NRXN3: variants seen among roughly 807,000 people sequenced by gnomAD.
NRXN3 encodes neurexin III.
A neutral mutation model predicts 137.6 loss-of-function variants in NRXN3; 32 were observed. The observed-to-expected ratio is 0.23, with a 90% CI of 0.18 to 0.31. NRXN3 has a LOEUF of 0.31. NRXN3 is among the 10% of genes least tolerant of loss of function. The pLI is 1.00. For missense variants in NRXN3, 1,574 were observed against 2,062.5 expected (o/e 0.76, Z 4.59); for synonymous variants, 798 against 784.5 (o/e 1.02, Z -0.29).
intron 16 of NRXN3, among the ~76,000 whole-genome samples, chr14:79,565,215 ATATG>A (rs1269356204): frequency 2.0e-5 from 3 of 148,406 alleles, no homozygotes; most frequent in Non-Finnish European, 3.0e-5. Flanking sequence ...TTGTGTATAT[ATATG>A]TGTGTGTATA....
chr14:79,654,978 C>T (rs1265175789), intron 16 of NRXN3, among the ~76,000 whole-genome samples: 1 of 152,144 alleles, frequency 6.6e-6, no homozygotes, highest in Non-Finnish European at 1.5e-5. Flanking sequence ...GGGTTACTCA[C>T]GCTTTGCTGA....
intron 17 of NRXN3, among the ~76,000 whole-genome samples, chr14:79,667,450 C>T (rs562383636): frequency 6.6e-6 from 1 of 152,034 alleles, no homozygotes; most frequent in East Asian, 1.9e-4. Flanking sequence ...AATGGGTCAT[C>T]TCCACAGTCT....
At chr14:78,649,313 G>A (rs1489484002) in intron 5 of NRXN3, 1 of 1,335,010 alleles carries the variant, frequency 7.5e-7, no homozygotes, top group Non-Finnish European at 9.9e-7. Context: ...ACATTGTCTG[G>A]TAGATATCAT....
chr14:78,319,822 A>G (rs1453465348), intron 4 of NRXN3, among the ~76,000 whole-genome samples: 2 of 152,208 alleles, frequency 1.3e-5, no homozygotes, highest in Admixed American at 6.5e-5. Flanking sequence ...ACCCATCTGT[A>G]TAATCCCCTG....
intron 4 of NRXN3, among the ~76,000 whole-genome samples, chr14:78,478,206 T>A (rs578182554): frequency 1.3e-5 from 2 of 152,162 alleles, no homozygotes; most frequent in South Asian, 2.1e-4. Flanking sequence ...TACTAGTGAT[T>A]TGGGGGGAAA....
At chr14:78,926,764 A>T (rs1597461110) in intron 10 of NRXN3, among the ~76,000 whole-genome samples, 1 of 46,356 alleles carries the variant, frequency 2.2e-5, no homozygotes, top group African/African-American at 1.3e-4. Context: ...TATATATATT[A>T]TATATATTAT....
chr14:78,615,333 G>C (rs2097337068), intron 4 of NRXN3, among the ~76,000 whole-genome samples: 1 of 151,878 alleles, frequency 6.6e-6, no homozygotes, highest in African/African-American at 2.4e-5. Flanking sequence ...GGGCGCGGTG[G>C]CTCACGCCTA....
intron 20 of NRXN3, among the ~76,000 whole-genome samples, chr14:79,813,056 T>C (rs1042735936): frequency 4.6e-5 from 7 of 152,176 alleles, no homozygotes; most frequent in Non-Finnish European, 4.4e-5. Context: ...TCCATATATA[T>C]GTAGACACAG....
intron 2 of NRXN3, among the ~76,000 whole-genome samples, 162 bp from the exon 3 acceptor site, chr14:78,278,483 A>C (rs1308269332): frequency 6.6e-6 from 1 of 152,156 alleles, no homozygotes; most frequent in Non-Finnish European, 1.5e-5. Context: ...TGAAGGTGGA[A>C]CTAAGTGCTC....
chr14:79,189,219 G>A (rs954974724), intron 15 of NRXN3, among the ~76,000 whole-genome samples: 12 of 151,946 alleles, frequency 7.9e-5, no homozygotes, highest in Non-Finnish European at 1.5e-4. Flanking sequence ...AAAAAATGAT[G>A]AGTTCACGTC....
chr14:78,633,020 G>A (rs1319428229), intron 4 of NRXN3, among the ~76,000 whole-genome samples: 1 of 151,848 alleles, frequency 6.6e-6, no homozygotes, highest in Non-Finnish European at 1.5e-5. Context: ...CAGATCATGA[G>A]GTCAGGAGAT....
intron 4 of NRXN3, among the ~76,000 whole-genome samples, chr14:78,474,752 G>A (rs1022641299): frequency 2.0e-5 from 3 of 152,216 alleles, no homozygotes; most frequent in African/African-American, 7.2e-5. Context: ...AGAGGGGATA[G>A]GGTTGCTGAC....
chr14:79,085,222 A>G (rs1023505821), intron 15 of NRXN3, among the ~76,000 whole-genome samples: 3 of 152,194 alleles, frequency 2.0e-5, no homozygotes, highest in African/African-American at 7.2e-5. Flanking sequence ...TGTAAATTAA[A>G]TACATTTATA....
chr14:78,231,245 A>G (rs2065350384), intron 1 of NRXN3: 1 of 152,230 alleles, frequency 6.6e-6, no homozygotes, highest in Non-Finnish European at 1.5e-5. Context: ...CCCAGAGAAT[A>G]GATTTTCTTT....
chr14:79,540,714 G>A (rs867676755), intron 16 of NRXN3, among the ~76,000 whole-genome samples: 5 of 152,140 alleles, frequency 3.3e-5, no homozygotes, highest in African/African-American at 1.2e-4. Context: ...ATTGAGGGAG[G>A]TTCAAGAAGG....
chr14:79,358,607 G>GAGAAAGAAAGAAAAAGAAAGAAAGAA (rs2093540452), intron 15 of NRXN3, among the ~76,000 whole-genome samples: 32 of 79,984 alleles, frequency 4.0e-4, no homozygotes, highest in African/African-American at 1.3e-3. Context: ...AAGAAAGAAA[G>GAGAAAGAAAGAAAAAGAAAGAAAGAA]AGAAAGAAAG....
rs779442429 is a variant in NRXN3 at position 78,633,251 on chromosome 14, C to CAA, written c.758-11853_758-11852dup. Among the ~76,000 whole-genome samples the CAA allele has an allele frequency of 7.3e-4, 50 of 68,050 alleles. 1 individual carries two copies. The South Asian group carries it at 0.017, about 23-fold the overall frequency. 44.6% of individuals were successfully genotyped at this position (68,050 alleles called of 152,430 possible). ...CCTGGGCTACAGAGCGAGACTCTGT[C>CAA]AAAAAAAAAAAAAAAAAGAGACTGG... On this transcript the variant is annotated intron_variant, in intron 4 of 20. Coordinates refer to ENST00000335750, the MANE Select transcript of NRXN3 (RefSeq NM_001330195.2).
rs200245665 is a variant in NRXN3, at chr14:78,342,365, G to A, written c.757+44505G>A. Among the ~76,000 whole-genome samples the A allele has an allele frequency of 1.8e-4, 27 of 152,312 alleles. No homozygotes were observed. In the East Asian group the frequency reaches 5.2e-3, roughly 29 times the overall value. On this transcript the variant is annotated intron_variant, in intron 4 of 20. Transcript: ENST00000335750. ...GGGAATACAAGCACAGGGTTGGGAA[G>A]TGCTTGCTAGGGCCACATTTCGTGG...
In NRXN3 at chr14:79,697,618, C is replaced by T; in HGVS notation, c.3707-12C>T. 6.2e-7 allele frequency: 1 copy of T among 1,608,218 alleles called. No individual in the cohort carries two copies. ...ATGAGAATAATAATGTTTCCTCCAC[C>T]CAACCCACTAGGCCGGCAGTTAACC... On this transcript the variant is annotated splice_polypyrimidine_tract_variant and intron_variant, in intron 18 of 20. Coordinates refer to ENST00000335750, the MANE Select transcript of NRXN3 (RefSeq NM_001330195.2).
Sources: gnomAD v4.1 joint callset for allele counts (sites outside exome capture counted in the v4.1 genomes callset) on GRCh38, gnomAD v4.1.1 for gene constraint, MANE v1.5 for transcripts, NCBI Gene and HGNC (gene_info 2026-07-23, HGNC 2026-07-21) for gene names.